Variants in DCBLD2 observed in about 807,000 individuals in gnomAD.
DCBLD2 encodes the protein discoidin, CUB and LCCL domain-containing protein 2.
Under a neutral mutation model 86.8 loss-of-function variants are expected in DCBLD2, and 54 were observed. The observed-to-expected ratio is 0.62, with a 90% CI of 0.50 to 0.78. The LOEUF (loss-of-function observed/expected upper bound fraction) is 0.78. Ranked by LOEUF, DCBLD2 falls within the 30% of genes least tolerant of loss-of-function variation. The pLI is 0.00. For synonymous variants in DCBLD2, 354 were observed against 341.3 expected, an observed-to-expected ratio of 1.04 and a Z score of -0.41; for missense variants, 908 against 954.2, an observed-to-expected ratio of 0.95 and a Z score of 0.64.
At position 98,817,817 on chromosome 3, in the gene DCBLD2, A is replaced by C; in HGVS notation, c.1164T>G (p.Asp388Glu). ...CTCTGTACACAGTCCATTTCTGCCCATCATCACTGTACAGGATTCTGTAGG... is the reference window on the plus strand; with the variant it reads ...CTCTGTACACAGTCCATTTCTGCCCCTCATCACTGTACAGGATTCTGTAGG... The part of the protein sequence containing the change: ...VSAYRILYSD[D>E]GQKWTVYREP... The change falls in exon 9 of 16, where the codon GAT becomes GAG. Residue 388 changes from aspartate to glutamate, a missense_variant. Asp to Glu is a conservative substitution (Grantham distance 45, BLOSUM62 2). Around this residue, in one of 3 missense-constraint regions of DCBLD2, gnomAD observed 606 missense variants for 678.5 expected, o/e 0.89. Coordinates refer to ENST00000326840, the MANE Select transcript of DCBLD2 (RefSeq NM_080927.4). 6.2e-7 allele frequency: 1 copy of C among 1,613,746 alleles called. No homozygotes were observed. Among genetic ancestry groups the C allele is most frequent in the Non-Finnish European group, 8.5e-7 (1 of 1,179,736 alleles).
chr3:98,886,367 A>G (rs1472981703), intron 1 of DCBLD2, among the ~76,000 whole-genome samples: 1 of 152,040 alleles, frequency 6.6e-6, no homozygotes, highest in Non-Finnish European at 1.5e-5. Flanking sequence ...AAGAATAATG[A>G]TCTGTGACCA....
chr3:98,820,247 C>A lies in DCBLD2; in HGVS notation c.871+1G>T. 6.8e-7 allele frequency: 1 copy of A among 1,461,386 alleles called. No homozygotes were observed. The highest frequency in any genetic ancestry group is 9.0e-7 in the Non-Finnish European group (1 of 1,107,876). The allele number at this position is 1,461,386 out of a possible 1,614,324, so 90.5% of individuals were successfully genotyped here. A position where few individuals can be genotyped will look rare whatever the true frequency, so the allele number is the denominator to read the frequency against. On this transcript the variant is annotated splice_donor_variant, in intron 7 of 15. Coordinates refer to ENST00000326840, the MANE Select transcript of DCBLD2 (RefSeq NM_080927.4). LOFTEE classifies it high-confidence loss of function. Reference sequence around the variant, plus strand: ...AATTATAAAGTCCATAAAAGGCTTACCACTTGTCTTAAATGTAAAAAGACT... The same window carrying A: ...AATTATAAAGTCCATAAAAGGCTTAACACTTGTCTTAAATGTAAAAAGACT...
chr3:98,824,718 T>C (rs1357953378), intron 4 of DCBLD2, among the ~76,000 whole-genome samples: 2 of 152,134 alleles, frequency 1.3e-5, no homozygotes, highest in African/African-American at 4.8e-5. Flanking sequence ...GAGGACTGCT[T>C]GTGAAAGAAC....
At chr3:98,892,561 C>T (rs1559802519) in intron 1 of DCBLD2, among the ~76,000 whole-genome samples, 2 of 152,152 alleles carry the variant, frequency 1.3e-5, no homozygotes, top group East Asian at 1.9e-4. Context: ...CGTAAGCCTT[C>T]GGGATTGCCA....
At chr3:98,900,804 T>C in intron 1 of DCBLD2, 1 of 407,986 alleles carries the variant, frequency 2.5e-6, no homozygotes, top group Non-Finnish European at 4.6e-6. Context: ...TTAGGGGTCA[T>C]TACCTCCAAA....
At chr3:98,849,425 C>T in intron 3 of DCBLD2, 36 bp downstream of exon 3, 1 of 1,611,844 alleles carries the variant, frequency 6.2e-7, no homozygotes, top group Non-Finnish European at 8.5e-7. Context: ...TTAGAAATTA[C>T]AAACTGTAGG....
At chr3:98,836,189 C>T (rs1481553275) in intron 3 of DCBLD2, among the ~76,000 whole-genome samples, 1 of 143,226 alleles carries the variant, frequency 7.0e-6, no homozygotes, top group Non-Finnish European at 1.5e-5. Context: ...TATTTACCAG[C>T]TGCTTCCCTG....
chr3:98,877,984 A>C (rs1033919225), intron 2 of DCBLD2, among the ~76,000 whole-genome samples: 2 of 152,216 alleles, frequency 1.3e-5, no homozygotes, highest in African/African-American at 4.8e-5. Flanking sequence ...ATAAACAAAC[A>C]AATGGGAGAG....
chr3:98,815,597 A>G (rs1247286737), intron 9 of DCBLD2: 1 of 152,214 alleles, frequency 6.6e-6, no homozygotes, highest in East Asian at 1.9e-4. Context: ...AAAGACCCAT[A>G]TATGACATAG....
intron 3 of DCBLD2, among the ~76,000 whole-genome samples, chr3:98,832,162 TC>T (rs1942335524): frequency 6.6e-6 from 1 of 152,214 alleles, no homozygotes; most frequent in African/African-American, 2.4e-5. Flanking sequence ...AGTTAGGTAT[TC>T]TTGTTGAACT....
chr3:98,864,460 T>C (rs565668788), intron 2 of DCBLD2, among the ~76,000 whole-genome samples: 19 of 152,286 alleles, frequency 1.2e-4, no homozygotes, highest in African/African-American at 4.6e-4. Context: ...AACCCAAATG[T>C]CCATCAATGA....
rs145407853 is a variant in DCBLD2, at chr3:98,885,108, T to C, written c.206-3341A>G. Reference sequence around the variant, plus strand: ...GCTGATGAAGAAAATAATTACAGAGTTGTCTTTTTTCATAACCTTGTGTAG... The same window carrying C: ...GCTGATGAAGAAAATAATTACAGAGCTGTCTTTTTTCATAACCTTGTGTAG... On this transcript the variant is annotated intron_variant, in intron 1 of 15. Coordinates refer to ENST00000326840, the MANE Select transcript of DCBLD2 (RefSeq NM_080927.4). Among the ~76,000 whole-genome samples, 378 of 151,946 alleles carry C rather than the reference T, an allele frequency of 2.5e-3. 7 individuals carry two copies. Among genetic ancestry groups the C allele is most frequent in the African/African-American group, 8.9e-3 (368 of 41,440 alleles).
chr3:98,857,719 C>T (rs1055483959), intron 2 of DCBLD2, among the ~76,000 whole-genome samples: 7 of 151,866 alleles, frequency 4.6e-5, no homozygotes, highest in Non-Finnish European at 1.0e-4. Flanking sequence ...AGGTTCTCCA[C>T]GTCCCCACTA....
chr3:98,819,393 T>C lies in DCBLD2; in HGVS notation c.896A>G (p.Glu299Gly). Residue 299 changes from glutamate to glycine, a missense_variant, in exon 8 of 16, where the codon GAG becomes GGG. Glu to Gly is a moderately conservative substitution (Grantham distance 98, BLOSUM62 -2). Around this residue, in one of 3 missense-constraint regions of DCBLD2, gnomAD observed 606 missense variants for 678.5 expected, o/e 0.89. Transcript: ENST00000326840. The stretch of plus-strand genomic sequence containing the variant: ...TTGAGGATCCGCGATCACACCAGAC[T>C]CCATCCCCAGTGTTCCATAACATCC... The part of the protein sequence containing the change: ...TSGCYGTLGM[E>G]SGVIADPQIT... 6.2e-7 allele frequency: 1 copy of C among 1,613,750 alleles called. No homozygotes were observed. The highest frequency in any genetic ancestry group is 8.5e-7 in the Non-Finnish European group (1 of 1,179,714).
chr3:98,838,866 G>C (rs1161200367), intron 3 of DCBLD2, among the ~76,000 whole-genome samples: 1 of 152,014 alleles, frequency 6.6e-6, no homozygotes, highest in Non-Finnish European at 1.5e-5. Context: ...CCAACACAGC[G>C]AAACCCCGTC....
intron 3 of DCBLD2, among the ~76,000 whole-genome samples, chr3:98,839,204 C>CTTCTTTCTTTCT (rs1322347429): frequency 7.6e-6 from 1 of 131,318 alleles, no homozygotes; most frequent in African/African-American, 3.2e-5. Context: ...TCCTTCCTTC[C>CTTCTTTCTTTCT]TTCTTTCTTT....
intron 3 of DCBLD2, among the ~76,000 whole-genome samples, chr3:98,848,175 T>C (rs1450282986): frequency 1.3e-5 from 2 of 151,764 alleles, no homozygotes; most frequent in Non-Finnish European, 2.9e-5. Context: ...TATATGTCCA[T>C]GTGTTTTCAT....
chr3:98,812,793 ATTAG>A (rs556071565), intron 9 of DCBLD2: 1 of 194,376 alleles, frequency 5.1e-6, no homozygotes, highest in Non-Finnish European at 1.0e-5. Context: ...AATTTATCCT[ATTAG>A]TAAATCAGTA....
chr3:98,811,920 AGCCTTTGG>A (rs1197287302), intron 10 of DCBLD2, among the ~76,000 whole-genome samples: 1 of 152,224 alleles, frequency 6.6e-6, no homozygotes, highest in Non-Finnish European at 1.5e-5. Flanking sequence ...GCACTGTGGT[AGCCTTTGG>A]GCGTACAAAA....
Sources: allele counts gnomAD v4.1 joint callset (sites outside exome capture counted in the v4.1 genomes callset), GRCh38; gene constraint gnomAD v4.1.1; regional missense constraint gnomAD v4.1.1; transcripts MANE v1.5; gene names NCBI Gene and HGNC (gene_info 2026-07-23, HGNC 2026-07-21).